The following MACF1 variants were observed in gnomAD, a reference collection of about 807,000 sequenced individuals.
MACF1 encodes the protein microtubule-actin cross-linking factor 1.
MACF1 carries 193 observed loss-of-function variants against 854.8 expected under a neutral mutation model. That is an observed-to-expected ratio of 0.23 (90% CI 0.20 to 0.25). The LOEUF is 0.25. MACF1 is among the 10% of genes least tolerant of loss of function. The pLI is 1.00. For synonymous variants in MACF1, 3,185 were observed against 3,226.7 expected, an observed-to-expected ratio of 0.99 and a Z score of 0.44; for missense variants, 7,722 against 8,929.1, an observed-to-expected ratio of 0.86 and a Z score of 5.45.
At chr1:39,375,615 C>G (rs1183449863) in intron 52 of MACF1, among the ~76,000 whole-genome samples, 1 of 152,152 alleles carries the variant, frequency 6.6e-6, no homozygotes, top group Non-Finnish European at 1.5e-5. Context: ...TAATTTATTT[C>G]TAAATTTTGT....
At chr1:39,433,390 CAG>C (rs1278832921) in intron 68 of MACF1, among the ~76,000 whole-genome samples, 1 of 152,180 alleles carries the variant, frequency 6.6e-6, no homozygotes, top group Non-Finnish European at 1.5e-5. Flanking sequence ...TTCTTTATAA[CAG>C]GGGAATTGCT....
rs1373731470 is a variant in MACF1 at position 39,340,650 on chromosome 1, T to C, written c.10364T>C (p.Leu3455Pro). ...GATGCCAAGAATCTTCAGAAGTCTC[T>C]CAGCTCTGTGAGTGACACTTGGAAT... ...EKDAKNLQKS[L>P]SSVSDTWNSR... Residue 3455 changes from leucine to proline, a missense_variant, in exon 39 of 101, where the codon CTC (leucine) becomes CCC (proline). By Grantham distance (98) the Leu-to-Pro change is moderately conservative. This residue lies in a region of MACF1 where 854 missense variants were observed against 852.6 expected (regional missense o/e 1.00). Transcript: ENST00000564288. 1 of 1,614,216 alleles carries C rather than the reference T, an allele frequency of 6.2e-7. No homozygotes were observed. The highest frequency in any genetic ancestry group is 2.2e-5 in the East Asian group (1 of 44,884).
chr1:39,337,139 G>A, intron 37 of MACF1, 43 bp from the exon 38 acceptor site: 2 of 1,570,632 alleles, frequency 1.3e-6, no homozygotes, highest in Middle Eastern at 1.7e-4. Flanking sequence ...CTGACTTACA[G>A]GAGAACGTCA....
intron 2 of MACF1, among the ~76,000 whole-genome samples, chr1:39,168,054 T>G (rs935537703): frequency 6.6e-6 from 1 of 152,202 alleles, no homozygotes; most frequent in African/African-American, 2.4e-5. Context: ...CACTTCAGCA[T>G]GAGGCCTGTG....
chr1:39,128,257 C>T (rs1223038307), intron 2 of MACF1, among the ~76,000 whole-genome samples: 1 of 151,836 alleles, frequency 6.6e-6, no homozygotes, highest in Non-Finnish European at 1.5e-5. Flanking sequence ...ATTGCCCAGG[C>T]TAGTGTGCAG....
At chr1:39,426,769 G>GTT (rs144667819) in intron 61 of MACF1, among the ~76,000 whole-genome samples, 5 of 150,414 alleles carry the variant, frequency 3.3e-5, no homozygotes, top group Admixed American at 6.6e-5. Context: ...TTTTTGTTTG[G>GTT]TTTTTTTTTG....
chr1:39,335,394 A>C lies in MACF1; in HGVS notation c.8806A>C (p.Arg2936=). 6.2e-7 allele frequency: 1 copy of C among 1,614,146 alleles called. No individual in the cohort carries two copies. Among genetic ancestry groups the C allele is most frequent in the Non-Finnish European group, 8.5e-7 (1 of 1,179,998 alleles). Residue 2936 remains arginine (R), a synonymous_variant, in exon 37 of 101, where the codon AGA becomes CGA. Transcript: ENST00000564288. The part of the protein sequence containing the change: ...STSCLDSEEI[R]ENQGEVILEV... The stretch of plus-strand genomic sequence containing the variant: ...CTCATGTCTAGATTCTGAAGAAATA[A>C]GAGAAAATCAAGGGGAAGTGATTTT...
chr1:39,333,747 G>T lies in MACF1; in HGVS notation c.7159G>T (p.Ala2387Ser), dbSNP rs1422297630. The change falls in exon 37 of 101, where the codon GCA becomes TCA. Residue 2387 changes from alanine (A) to serine (S), a missense_variant. Ala to Ser is a moderately conservative substitution (Grantham distance 99). Transcript: ENST00000564288. ...RTQTLCSVKD[A>S]VTVGLLDKET... ...CCAGACACTGTGCTCTGTAAAGGAT[G>T]CAGTTACAGTTGGACTTCTTGACAA... The T allele has an allele frequency of 6.2e-7, 1 of 1,614,198 alleles. No individual in the cohort carries two copies. The highest frequency in any genetic ancestry group is 1.3e-5 in the African/African-American group (1 of 75,058).
At chr1:39,110,639 A>T (rs1172503462) in intron 2 of MACF1, among the ~76,000 whole-genome samples, 1 of 152,206 alleles carries the variant, frequency 6.6e-6, no homozygotes, top group East Asian at 1.9e-4. Context: ...GGACATGAAC[A>T]CTGTTAATTC....
At chr1:39,267,924 G>A (rs537957959) in intron 6 of MACF1, among the ~76,000 whole-genome samples, 1 of 152,234 alleles carries the variant, frequency 6.6e-6, no homozygotes, top group East Asian at 1.9e-4. Context: ...TAAAGTCTGT[G>A]TTCCTTTTCT....
chr1:39,389,351 GTTTTTTTTTTTTT>G (rs10588247), intron 58 of MACF1, among the ~76,000 whole-genome samples: 2 of 63,470 alleles, frequency 3.2e-5, no homozygotes, highest in African/African-American at 5.7e-5. Context: ...GTTTTTGTGT[GTTTTTTTTTTTTT>G]TTTTTTTTTT....
At chr1:39,310,786 C>A in intron 25 of MACF1, 45 bp from the exon 26 acceptor site, 1 of 1,545,840 alleles carries the variant, frequency 6.5e-7, no homozygotes. Context: ...GTCTGCTTAT[C>A]TCTGATGTCG....
At chr1:39,276,903 C>T (rs1331413647) in intron 6 of MACF1, among the ~76,000 whole-genome samples, 5 of 152,070 alleles carry the variant, frequency 3.3e-5, no homozygotes, top group Non-Finnish European at 7.4e-5. Context: ...ATCTATGTCA[C>T]CATCTGCTAG....
chr1:39,441,674 T>C (rs1259869068), intron 74 of MACF1, among the ~76,000 whole-genome samples: 1 of 152,226 alleles, frequency 6.6e-6, no homozygotes, highest in African/African-American at 2.4e-5. Context: ...ATCATGAGCT[T>C]GCTAGCTGGG....
rs748560176 is a variant in MACF1 at position 39,347,166 on chromosome 1, T to A, written c.10771T>A (p.Leu3591Met). 1 of 1,614,044 alleles carries A rather than the reference T, an allele frequency of 6.2e-7. No individual in the cohort carries two copies. Among genetic ancestry groups the A allele is most frequent in the Non-Finnish European group, 8.5e-7 (1 of 1,179,976 alleles). ...LEQTAAQVDA[L>M]QGHLQQMEQE... ...ACAGACTGCCGCTCAGGTGGATGCC[T>A]TGCAGGGCCATCTTCAACAAATGGA... Residue 3591 changes from leucine to methionine, a missense_variant, in exon 41 of 101, where the codon TTG becomes ATG. By Grantham distance (15) the Leu-to-Met change is conservative (BLOSUM62 2). Coordinates refer to ENST00000564288, the MANE Select transcript of MACF1 (RefSeq NM_001394062.1).
At chr1:39,359,596 G>A (rs367952601) in intron 47 of MACF1, among the ~76,000 whole-genome samples, 1 of 152,038 alleles carries the variant, frequency 6.6e-6, no homozygotes, top group East Asian at 1.9e-4. Flanking sequence ...TTTATTGAAT[G>A]CTTACCAAGC....
At chr1:39,461,083 C>CAAAA (rs1284550970) in intron 92 of MACF1, among the ~76,000 whole-genome samples, 2 of 63,512 alleles carry the variant, frequency 3.1e-5, no homozygotes, top group African/African-American at 5.3e-5. Context: ...GACTCTGTCT[C>CAAAA]AAAAAAAAAA....
chr1:39,443,432 CTT>C lies in MACF1; in HGVS notation c.19303-10_19303-9del, dbSNP rs745599982. On this transcript the variant is annotated splice_polypyrimidine_tract_variant and intron_variant, in intron 78 of 100. Coordinates refer to ENST00000564288, the MANE Select transcript of MACF1 (RefSeq NM_001394062.1). The stretch of plus-strand genomic sequence containing the variant: ...ATGACTACTGACATGGTTGATATAT[CTT>C]TTTCTCAAAAGGCCCAGGGCTTCCA... 1 of 1,600,014 alleles carries C rather than the reference CTT, an allele frequency of 6.2e-7. No homozygotes were observed. The highest frequency in any genetic ancestry group is 8.5e-7 in the Non-Finnish European group (1 of 1,176,056).
intron 2 of MACF1, among the ~76,000 whole-genome samples, chr1:39,167,828 T>C (rs652370): frequency 0.95 from 143,051 of 151,066 alleles, 67,799 homozygotes; most frequent in East Asian, 1. Flanking sequence ...GAGCTGAGAT[T>C]GCGTTACTGC....
Sources: allele counts gnomAD v4.1 joint callset (sites outside exome capture counted in the v4.1 genomes callset), GRCh38; gene constraint gnomAD v4.1.1; regional missense constraint gnomAD v4.1.1; transcripts MANE v1.5; gene names NCBI Gene and HGNC (gene_info 2026-07-23, HGNC 2026-07-21).